Variants in CFAP43 observed in about 807,000 individuals in gnomAD.
CFAP43 encodes cilia and flagella associated protein 43, also known as cilia- and flagella-associated protein 43.
Under a neutral mutation model 218.9 loss-of-function variants are expected in CFAP43, and 155 were observed. The observed-to-expected ratio is 0.71, with a 90% CI of 0.62 to 0.81. CFAP43 has a LOEUF of 0.81. Among genes scored for constraint, CFAP43 ranks in the 30% least tolerant of loss-of-function variants. CFAP43 has a pLI of 0.00. For synonymous variants in CFAP43, 645 were observed against 681.3 expected, an observed-to-expected ratio of 0.95 and a Z score of 0.83; for missense variants, 1,778 against 1,954.3, an observed-to-expected ratio of 0.91 and a Z score of 1.70.
intron 19 of CFAP43, among the ~76,000 whole-genome samples, chr10:104,177,017 A>G (rs924843496): frequency 6.6e-6 from 1 of 152,202 alleles, no homozygotes; most frequent in East Asian, 1.9e-4. Context: ...AGAAATACAA[A>G]TAGTGTTTAG....
chr10:104,137,438 G>A (rs1191826892), intron 34 of CFAP43, among the ~76,000 whole-genome samples: 2 of 152,156 alleles, frequency 1.3e-5, no homozygotes, highest in Non-Finnish European at 2.9e-5. Flanking sequence ...CAGATTAGTG[G>A]TGTCCAGGGG....
At chr10:104,164,687 C>T (rs1156294882) in intron 23 of CFAP43, among the ~76,000 whole-genome samples, 1 of 152,162 alleles carries the variant, frequency 6.6e-6, no homozygotes, top group Non-Finnish European at 1.5e-5. Context: ...CGTGAGCCAC[C>T]GCGCCTGGCC....
chr10:104,228,536 G>C (rs988585068), intron 2 of CFAP43, among the ~76,000 whole-genome samples: 8 of 151,990 alleles, frequency 5.3e-5, no homozygotes, highest in African/African-American at 1.9e-4. Flanking sequence ...ATGAATTTTG[G>C]AATCATTTGA....
intron 16 of CFAP43, among the ~76,000 whole-genome samples, chr10:104,184,630 T>C (rs894329834): frequency 6.6e-6 from 1 of 152,034 alleles, no homozygotes; most frequent in Admixed American, 6.6e-5. Context: ...TAGTGGGCTT[T>C]CACAATCGGG....
intron 6 of CFAP43, among the ~76,000 whole-genome samples, chr10:104,206,269 T>C (rs2090685863): frequency 6.6e-6 from 1 of 152,020 alleles, no homozygotes; most frequent in Non-Finnish European, 1.5e-5. Flanking sequence ...CCTCATGGCC[T>C]CAGTTTTACA....
chr10:104,218,882 C>T, intron 3 of CFAP43: 1 of 501,074 alleles, frequency 2.0e-6, no homozygotes, highest in Non-Finnish European at 4.1e-6. Flanking sequence ...AACAGCCGAG[C>T]AGCATGACAG....
intron 3 of CFAP43, among the ~76,000 whole-genome samples, chr10:104,220,827 C>A (rs901653870): frequency 1.3e-5 from 2 of 152,102 alleles, no homozygotes; most frequent in Non-Finnish European, 2.9e-5. Context: ...GATTGTATGC[C>A]CTGGTAGAAC....
intron 5 of CFAP43, among the ~76,000 whole-genome samples, 183 bp from the exon 6 acceptor site, chr10:104,208,007 T>A (rs1390810232): frequency 6.6e-6 from 1 of 152,200 alleles, no homozygotes; most frequent in Admixed American, 6.5e-5. Flanking sequence ...AATTTATTAT[T>A]TGTACCTTTC....
Position 104,232,242 on chromosome 10 carries a change from G to C in CFAP43, c.5C>G (p.Ala2Gly). ...GCCTTCGTCGCGCTCCCGGCCTTGC[G>C]CCATGGGCAGTGTTTTCCTCAGGCG... Reference protein sequence around the residue: MAQGRERDEGPH... With the variant: MGQGRERDEGPH... The change falls in exon 1 of 38, where the codon GCG becomes GGG. Residue 2 changes from alanine (A) to glycine (G), a missense_variant. Coordinates refer to ENST00000357060, the MANE Select transcript of CFAP43 (RefSeq NM_025145.7). 1.2e-6 allele frequency: 2 copies of C among 1,604,926 alleles called. No homozygotes were observed. Among genetic ancestry groups the C allele is most frequent in the Non-Finnish European group, 1.7e-6 (2 of 1,177,108 alleles).
At chr10:104,219,542 T>C (rs1263792887) in intron 3 of CFAP43, among the ~76,000 whole-genome samples, 1 of 152,236 alleles carries the variant, frequency 6.6e-6, no homozygotes, top group African/African-American at 2.4e-5. Flanking sequence ...CCCCACTGCC[T>C]TTAGGATAAA....
chr10:104,191,595 T>A (rs2090218053), intron 12 of CFAP43, among the ~76,000 whole-genome samples: 1 of 152,124 alleles, frequency 6.6e-6, no homozygotes, highest in South Asian at 2.1e-4. Flanking sequence ...ATTTTCCTCC[T>A]CTACTAAATT....
At chr10:104,142,110 T>C (rs1364692822) in intron 33 of CFAP43, among the ~76,000 whole-genome samples, 171 bp downstream of exon 33, 2 of 152,244 alleles carry the variant, frequency 1.3e-5, no homozygotes, top group Non-Finnish European at 2.9e-5. Context: ...CCATCCTGAA[T>C]CAAGGTCTAT....
At chr10:104,207,487 T>G (rs75117180) in intron 6 of CFAP43, among the ~76,000 whole-genome samples, 178 bp downstream of exon 6, 35 of 152,218 alleles carry the variant, frequency 2.3e-4, no homozygotes, top group African/African-American at 8.4e-4. Flanking sequence ...AATGTTGTTC[T>G]GAGGATTACA....
chr10:104,144,369 C>T (rs1015396995), intron 31 of CFAP43, among the ~76,000 whole-genome samples: 2 of 152,170 alleles, frequency 1.3e-5, no homozygotes, highest in Non-Finnish European at 2.9e-5. Context: ...ATAGGAAAAC[C>T]GCCGGGCGAG....
chr10:104,190,287 G>T (rs886119738), intron 12 of CFAP43, among the ~76,000 whole-genome samples: 13 of 149,740 alleles, frequency 8.7e-5, no homozygotes, highest in African/African-American at 3.2e-4. Flanking sequence ...AGCTATGATT[G>T]CACCACTGCA....
chr10:104,174,734 A>G (rs1564755143), intron 19 of CFAP43, among the ~76,000 whole-genome samples: 1 of 152,070 alleles, frequency 6.6e-6, no homozygotes, highest in Non-Finnish European at 1.5e-5. Context: ...TATATAATAT[A>G]CACATATGTA....
At chr10:104,192,149 A>C in intron 12 of CFAP43, 50 bp downstream of exon 12, 1 of 1,372,578 alleles carries the variant, frequency 7.3e-7, no homozygotes. Context: ...ATAACCTTAA[A>C]TTCTTTGAAA....
chr10:104,130,168 T>C lies in CFAP43; in HGVS notation c.4969A>G (p.Lys1657Glu), dbSNP rs1335249860. 1 of 1,603,782 alleles carries C rather than the reference T, an allele frequency of 6.2e-7. No homozygotes were observed. The highest frequency in any genetic ancestry group is 8.5e-7 in the Non-Finnish European group (1 of 1,176,752). Residue 1657 changes from lysine to glutamate, a missense_variant, in exon 38 of 38, where the codon AAA (lysine) becomes GAA (glutamate). Coordinates refer to ENST00000357060, the MANE Select transcript of CFAP43 (RefSeq NM_025145.7). ...ATTTGAACAAGAGCAGGAAATGTTT[T>C]CATTCTTAATCTTTCAACTTCAGTC... Reference protein sequence around the residue: ...LQTEVERLRMKTFPALVQM With the variant: ...LQTEVERLRMETFPALVQM
intron 3 of CFAP43, among the ~76,000 whole-genome samples, chr10:104,218,461 C>T (rs2091084297): frequency 6.6e-6 from 1 of 151,516 alleles, no homozygotes; most frequent in South Asian, 2.1e-4. Flanking sequence ...TTTGTCCTTC[C>T]TTCTCAAGCA....
Sources: allele counts gnomAD v4.1 joint callset (sites outside exome capture counted in the v4.1 genomes callset), GRCh38; gene constraint gnomAD v4.1.1; transcripts MANE v1.5; gene names NCBI Gene and HGNC (gene_info 2026-07-23, HGNC 2026-07-21).